Variants in CDH13 observed in about 807,000 individuals in gnomAD.
CDH13 encodes the protein cadherin-13.
A neutral mutation model predicts 63.8 loss-of-function variants in CDH13; 24 were observed. The ratio of observed to expected loss-of-function variants is 0.38; its 90% CI spans 0.27 to 0.53. The LOEUF is 0.53. CDH13 is among the 20% of genes least tolerant of loss of function. CDH13 has a pLI of 0.85. For missense variants in CDH13, 1,049 were observed against 903.1 expected (o/e 1.16, Z -2.07); for synonymous variants, 503 against 355.3 (o/e 1.42, Z -4.67).
intron 1 of CDH13, among the ~76,000 whole-genome samples, chr16:82,844,146 G>A (rs2039148676): frequency 6.6e-6 from 1 of 152,164 alleles, no homozygotes; most frequent in African/African-American, 2.4e-5. Context: ...TTACAGAAGG[G>A]AAGTAGGAGG....
At chr16:83,399,810 C>T (rs75906396) in intron 6 of CDH13, among the ~76,000 whole-genome samples, 14,351 of 152,142 alleles carry the variant, frequency 0.094, 896 homozygotes, top group Middle Eastern at 0.15. Context: ...TACCCCCCGC[C>T]GCATTTAGCA....
chr16:82,914,761 G>A (rs185343061), intron 2 of CDH13, among the ~76,000 whole-genome samples: 6 of 152,334 alleles, frequency 3.9e-5, no homozygotes, highest in Admixed American at 1.3e-4. Context: ...AGTGGAGAAT[G>A]TGGAAGTTAC....
chr16:83,626,300 C>T (rs1910296385), intron 8 of CDH13, among the ~76,000 whole-genome samples: 1 of 152,176 alleles, frequency 6.6e-6, no homozygotes, highest in African/African-American at 2.4e-5. Flanking sequence ...AAAGCACCAG[C>T]CATCAGGACG....
At chr16:82,714,888 G>C (rs542238236) in intron 1 of CDH13, among the ~76,000 whole-genome samples, 22 of 134,566 alleles carry the variant, frequency 1.6e-4, no homozygotes, top group South Asian at 8.8e-4. Flanking sequence ...CCTTCAGAAA[G>C]GACATGACTT....
At chr16:83,428,854 G>A (rs4782789) in intron 6 of CDH13, among the ~76,000 whole-genome samples, 90,102 of 152,068 alleles carry the variant, frequency 0.59, 26,963 homozygotes, top group East Asian at 0.68. Context: ...CCATCTTCCA[G>A]TGCATTCAGG....
intron 1 of CDH13, among the ~76,000 whole-genome samples, chr16:82,730,384 T>G (rs2033337131): frequency 6.6e-6 from 1 of 152,160 alleles, no homozygotes; most frequent in South Asian, 2.1e-4. Flanking sequence ...ATTATGTGTC[T>G]CAGGTAATAG....
intron 7 of CDH13, among the ~76,000 whole-genome samples, chr16:83,512,108 T>C (rs2074581450): frequency 6.6e-6 from 1 of 150,724 alleles, no homozygotes; most frequent in African/African-American, 2.4e-5. Context: ...GATCACGAGG[T>C]CTGGAGGTGG....
chr16:83,530,480 C>G (rs763689513), intron 7 of CDH13, among the ~76,000 whole-genome samples: 3 of 152,194 alleles, frequency 2.0e-5, no homozygotes, highest in African/African-American at 7.2e-5. Context: ...CCTGAGAGCA[C>G]TGTGGCTCTG....
intron 11 of CDH13, among the ~76,000 whole-genome samples, chr16:83,754,095 C>A (rs1913311375): frequency 6.6e-6 from 1 of 152,094 alleles, no homozygotes; most frequent in African/African-American, 2.4e-5. Flanking sequence ...ACTTGAGGGG[C>A]TGCTTTTCCT....
chr16:83,265,106 T>G (rs748048708), intron 5 of CDH13, among the ~76,000 whole-genome samples: 1 of 152,242 alleles, frequency 6.6e-6, no homozygotes, highest in South Asian at 2.1e-4. Context: ...GTCAATGTCT[T>G]TAAATGTCTC....
intron 4 of CDH13, among the ~76,000 whole-genome samples, chr16:83,179,314 A>G (rs771446191): frequency 2.6e-5 from 4 of 151,960 alleles, no homozygotes; most frequent in South Asian, 2.1e-4. Flanking sequence ...TCTCAACCCT[A>G]TCAGGCACAT....
At chr16:83,062,382 A>G (rs1021195265) in intron 3 of CDH13, among the ~76,000 whole-genome samples, 1 of 152,134 alleles carries the variant, frequency 6.6e-6, no homozygotes, top group Non-Finnish European at 1.5e-5. Flanking sequence ...GTGCCCTACC[A>G]TGTCCTTAAC....
chr16:83,388,211 T>C (rs1012733602), intron 6 of CDH13, among the ~76,000 whole-genome samples: 2 of 151,092 alleles, frequency 1.3e-5, no homozygotes, highest in Non-Finnish European at 2.9e-5. Context: ...CTCAGCACTT[T>C]GGGAGGCAAA....
intron 1 of CDH13, among the ~76,000 whole-genome samples, chr16:82,681,384 T>C (rs1442598688): frequency 6.6e-6 from 1 of 152,118 alleles, no homozygotes; most frequent in African/African-American, 2.4e-5. Context: ...GGGTACAGGA[T>C]TTCCATTTGG....
intron 3 of CDH13, among the ~76,000 whole-genome samples, chr16:83,055,354 T>C (rs550813978): frequency 6.6e-6 from 1 of 151,318 alleles, no homozygotes; most frequent in South Asian, 2.1e-4. Flanking sequence ...TGTAACTTGA[T>C]ATCAATAGTC....
At chr16:83,431,122 C>A (rs368262418) in intron 6 of CDH13, among the ~76,000 whole-genome samples, 3 of 151,898 alleles carry the variant, frequency 2.0e-5, no homozygotes, top group Admixed American at 6.6e-5. Flanking sequence ...CCAGTTTCAT[C>A]CATGTCCCTA....
At chr16:83,681,389 C>T (rs929496976) in intron 10 of CDH13, among the ~76,000 whole-genome samples, 1 of 152,120 alleles carries the variant, frequency 6.6e-6, no homozygotes, top group African/African-American at 2.4e-5. Context: ...CTTTCCCAGC[C>T]GTGGAGCAAA....
Position 82,991,346 on chromosome 16 carries a change from T to G in CDH13, c.158-40664T>G, listed in dbSNP as rs190368944. Among the ~76,000 whole-genome samples, 235 of 152,314 alleles carry G rather than the reference T, an allele frequency of 1.5e-3. 1 individual carries two copies. Among genetic ancestry groups the G allele is most frequent in the Admixed American group, 4.7e-3 (72 of 15,300 alleles). Reference sequence around the variant, plus strand: ...ATCAAATACTTTAAAAGTATATATCTTAATATGCCTTCCTCTTAACATTCA... The same window carrying G: ...ATCAAATACTTTAAAAGTATATATCGTAATATGCCTTCCTCTTAACATTCA... On this transcript the variant is annotated intron_variant, in intron 2 of 13. Transcript: ENST00000567109.
chr16:83,475,634 T>A (rs1224073757), intron 6 of CDH13, among the ~76,000 whole-genome samples: 1 of 152,200 alleles, frequency 6.6e-6, no homozygotes, highest in Non-Finnish European at 1.5e-5. Context: ...CAGGCTGGAG[T>A]GCAGTGGTGT....
Sources: allele counts gnomAD v4.1 joint callset (sites outside exome capture counted in the v4.1 genomes callset), GRCh38; gene constraint gnomAD v4.1.1; transcripts MANE v1.5; gene names NCBI Gene and HGNC (gene_info 2026-07-23, HGNC 2026-07-21).